Variants in ATP9B observed in about 807,000 individuals in gnomAD.
ATP9B encodes the protein ATPase phospholipid transporting 9B.
Under a neutral mutation model 146.1 loss-of-function variants are expected in ATP9B, and 110 were observed. The observed-to-expected ratio is 0.75, with a 90% CI of 0.65 to 0.88. The LOEUF (loss-of-function observed/expected upper bound fraction) is 0.88. Among genes scored for constraint, ATP9B ranks in the 40% least tolerant of loss-of-function variants. The pLI is 0.00. For missense variants in ATP9B, 1,499 were observed against 1,496.4 expected (o/e 1.00, Z -0.03); for synonymous variants, 604 against 569.7 (o/e 1.06, Z -0.86).
chr18:79,215,003 C>A (rs1250588668), intron 11 of ATP9B, among the ~76,000 whole-genome samples: 1 of 152,002 alleles, frequency 6.6e-6, no homozygotes, highest in Non-Finnish European at 1.5e-5. Flanking sequence ...CAAAAATTAG[C>A]TGGGCATGAT....
At chr18:79,140,232 T>C (rs1008232392) in intron 5 of ATP9B, among the ~76,000 whole-genome samples, 2 of 152,172 alleles carry the variant, frequency 1.3e-5, no homozygotes, top group African/African-American at 4.8e-5. Context: ...AGGAGCCAGC[T>C]GGTAAAGCCT....
chr18:79,081,777 C>T (rs897276810), intron 1 of ATP9B, among the ~76,000 whole-genome samples: 2 of 151,772 alleles, frequency 1.3e-5, no homozygotes, highest in African/African-American at 4.8e-5. Context: ...GAGAGATCTG[C>T]TGTTAGTCTG....
intron 1 of ATP9B, among the ~76,000 whole-genome samples, chr18:79,088,607 G>A (rs1268272402): frequency 1.3e-5 from 2 of 152,156 alleles, no homozygotes; most frequent in Non-Finnish European, 2.9e-5. Flanking sequence ...GATTGGTAGA[G>A]TAGGGTGTTT....
intron 13 of ATP9B, among the ~76,000 whole-genome samples, chr18:79,295,099 T>G (rs13381383): frequency 8.7e-5 from 4 of 45,878 alleles, no homozygotes; most frequent in Non-Finnish European, 1.5e-4. Flanking sequence ...AGCACACACA[T>G]ACACAGACAC....
At chr18:79,195,273 C>A (rs764776176) in intron 9 of ATP9B, among the ~76,000 whole-genome samples, 4 of 143,946 alleles carry the variant, frequency 2.8e-5, no homozygotes, top group Non-Finnish European at 6.1e-5. Context: ...AGAAGAAACT[C>A]ATCTTGCTGT....
intron 11 of ATP9B, among the ~76,000 whole-genome samples, chr18:79,243,157 G>A (rs1251977080): frequency 1.3e-5 from 2 of 152,132 alleles, no homozygotes; most frequent in Admixed American, 6.5e-5. Flanking sequence ...ATTAGCTTCT[G>A]GTTAATAGCT....
chr18:79,315,158 T>A (rs2146751182), intron 15 of ATP9B, among the ~76,000 whole-genome samples: 1 of 152,344 alleles, frequency 6.6e-6, no homozygotes, highest in South Asian at 2.1e-4. Context: ...CAGCTATAAT[T>A]AATGACAGAG....
intron 5 of ATP9B, among the ~76,000 whole-genome samples, chr18:79,138,861 G>A (rs2147349380): frequency 1.3e-5 from 2 of 150,562 alleles, no homozygotes; most frequent in South Asian, 4.2e-4. Context: ...TTGAGCTCAG[G>A]AGTTTGAGAC....
chr18:79,271,573 A>C (rs1010495789), intron 12 of ATP9B, among the ~76,000 whole-genome samples: 11 of 152,102 alleles, frequency 7.2e-5, no homozygotes, highest in African/African-American at 2.7e-4. Context: ...TGAACTCATC[A>C]TTTTTTATGG....
chr18:79,228,997 C>T (rs1458983480), intron 11 of ATP9B, among the ~76,000 whole-genome samples: 2 of 152,154 alleles, frequency 1.3e-5, no homozygotes, highest in Non-Finnish European at 2.9e-5. Flanking sequence ...TGCCACTACA[C>T]TCCAGCCTGG....
At chr18:79,324,527 G>T (rs1480324018) in intron 15 of ATP9B, among the ~76,000 whole-genome samples, 4 of 152,056 alleles carry the variant, frequency 2.6e-5, no homozygotes, top group African/African-American at 9.7e-5. Flanking sequence ...AGCAGAAAAG[G>T]GTTGAGGTCT....
At chr18:79,278,519 T>G (rs2096339826) in intron 13 of ATP9B, among the ~76,000 whole-genome samples, 1 of 152,194 alleles carries the variant, frequency 6.6e-6, no homozygotes, top group African/African-American at 2.4e-5. Context: ...TGAGATGCAT[T>G]AATAACCCCA....
intron 17 of ATP9B, among the ~76,000 whole-genome samples, chr18:79,331,089 TCA>T (rs1223650307): frequency 1.3e-5 from 2 of 152,338 alleles, no homozygotes; most frequent in Non-Finnish European, 2.9e-5. Flanking sequence ...TATGTATAAA[TCA>T]GTAGTTGGAT....
intron 2 of ATP9B, 49 bp downstream of exon 2, chr18:79,096,698 T>C (rs538765595): frequency 1.0e-5 from 15 of 1,455,324 alleles, no homozygotes; most frequent in East Asian, 4.9e-5. Flanking sequence ...AGGTTACTTA[T>C]AAGGTTAGCT....
intron 7 of ATP9B, among the ~76,000 whole-genome samples, chr18:79,171,685 C>T (rs757427200): frequency 1.3e-5 from 2 of 152,120 alleles, no homozygotes; most frequent in Non-Finnish European, 2.9e-5. Flanking sequence ...CTGTCACCAC[C>T]AACGCAGTCA....
chr18:79,300,687 C>A (rs887874360), intron 13 of ATP9B, among the ~76,000 whole-genome samples: 1 of 152,230 alleles, frequency 6.6e-6, no homozygotes, highest in African/African-American at 2.4e-5. Flanking sequence ...AGCCGCCCAG[C>A]AAACATACTG....
chr18:79,226,077 A>C (rs550108265), intron 11 of ATP9B, among the ~76,000 whole-genome samples: 2 of 152,318 alleles, frequency 1.3e-5, no homozygotes, highest in East Asian at 3.9e-4. Flanking sequence ...CAGAGTCCAT[A>C]GTGCAGAGTT....
chr18:79,116,899 G>T, intron 4 of ATP9B, among the ~76,000 whole-genome samples: 1 of 99,418 alleles, frequency 1.0e-5, no homozygotes, highest in Admixed American at 1.3e-4. Context: ...ATGTGCACAT[G>T]TACCCTAAAA....
chr18:79,190,423 C>A (rs2095352906), intron 8 of ATP9B, among the ~76,000 whole-genome samples: 1 of 152,026 alleles, frequency 6.6e-6, no homozygotes, highest in East Asian at 1.9e-4. Context: ...CTGCACAGTT[C>A]CAACCCATGT....
Sources: gnomAD v4.1 joint callset for allele counts (sites outside exome capture counted in the v4.1 genomes callset) on GRCh38, gnomAD v4.1.1 for gene constraint, MANE v1.5 for transcripts, NCBI Gene and HGNC (gene_info 2026-07-23, HGNC 2026-07-21) for gene names.